Variants in OR2A14 observed in about 807,000 individuals in gnomAD.
OR2A14 encodes the protein olfactory receptor family 2 subfamily A member 14, also known as olfactory receptor 2A14.
Under a neutral mutation model 2.4 loss-of-function variants are expected in OR2A14, and 2 were observed. The observed-to-expected ratio is 0.85, with a 90% CI of 0.35 to 2.67. The LOEUF is 2.67. OR2A14 is among the 30% of genes most tolerant of loss of function. The pLI, the probability that OR2A14 is intolerant of heterozygous loss-of-function variation, is 0.10. For missense variants in OR2A14, 390 were observed against 379.4 expected, an observed-to-expected ratio of 1.03 and a Z score of -0.23; for synonymous variants, 160 against 156.3, an observed-to-expected ratio of 1.02 and a Z score of -0.18.
In OR2A14 at chr7:144,129,546, T is replaced by C; in HGVS notation, c.434T>C (p.Val145Ala). The change falls in exon 2 of 2, where the codon GTG becomes GCG. Residue 145 changes from valine (V) to alanine (A), a missense_variant. Coordinates refer to ENST00000641068, the MANE Select transcript of OR2A14 (RefSeq NM_001001659.3). ...MSWRVCTVLA[V>A]ASWVFSFLLA... is the part of the protein sequence containing the mutation. Reference sequence around the variant, plus strand: ...TGGAGAGTGTGCACTGTCCTGGCTGTGGCTTCCTGGGTGTTCAGCTTCCTC... The same window carrying C: ...TGGAGAGTGTGCACTGTCCTGGCTGCGGCTTCCTGGGTGTTCAGCTTCCTC... The C allele has an allele frequency of 1.2e-6, 2 of 1,614,148 alleles. No individual in the cohort carries two copies. The highest frequency in any genetic ancestry group is 2.7e-5 in the African/African-American group (2 of 75,066).
chr7:144,125,573 T>C (rs1312388154), intron 1 of OR2A14, among the ~76,000 whole-genome samples: 2 of 152,240 alleles, frequency 1.3e-5, no homozygotes, highest in Admixed American at 6.5e-5. Context: ...AGATGGACAA[T>C]TTTTGTGTGT....
chr7:144,123,443 C>T (rs1481346281), intron 1 of OR2A14, among the ~76,000 whole-genome samples, 179 bp downstream of exon 1: 2 of 152,142 alleles, frequency 1.3e-5, no homozygotes, highest in East Asian at 1.9e-4. Flanking sequence ...TAGGGGCCAC[C>T]GTCTATCCCA....
intron 1 of OR2A14, among the ~76,000 whole-genome samples, chr7:144,124,290 C>T (rs2051466287): frequency 6.6e-6 from 1 of 151,990 alleles, no homozygotes; most frequent in African/African-American, 2.4e-5. Context: ...CGGAGAAACC[C>T]CATCTCTAAT....
In OR2A14 at chr7:144,129,378, G is replaced by A; in HGVS notation, c.266G>A (p.Ser89Asn). 1 of 1,614,194 alleles carries A rather than the reference G, an allele frequency of 6.2e-7. No individual in the cohort carries two copies. Among genetic ancestry groups the A allele is most frequent in the Non-Finnish European group, 8.5e-7 (1 of 1,180,024 alleles). The change falls in exon 2 of 2, where the codon AGC (serine) becomes AAC (asparagine). Residue 89 changes from serine to asparagine, a missense_variant. Physicochemically the swap from Ser to Asn is conservative, Grantham distance 46. Transcript: ENST00000641068. The stretch of plus-strand genomic sequence containing the variant: ...CTGACGAATCTTATGAACCAGGAAA[G>A]CACCATCTCCTTTTTTCCATGCATA... ...KMLTNLMNQE[S>N]TISFFPCIMQ...
chr7:144,124,175 G>A (rs951788130), intron 1 of OR2A14, among the ~76,000 whole-genome samples: 2 of 152,118 alleles, frequency 1.3e-5, no homozygotes, highest in African/African-American at 4.8e-5. Context: ...TTTAACACTA[G>A]GCTGCGGCCG....
chr7:144,124,180 C>T (rs985023196), intron 1 of OR2A14, among the ~76,000 whole-genome samples: 8 of 152,052 alleles, frequency 5.3e-5, no homozygotes, highest in Non-Finnish European at 8.8e-5. Context: ...CACTAGGCTG[C>T]GGCCGGGTGC....
chr7:144,124,073 G>A (rs960378415), intron 1 of OR2A14, among the ~76,000 whole-genome samples: 1 of 152,182 alleles, frequency 6.6e-6, no homozygotes, highest in African/African-American at 2.4e-5. Context: ...GAGGCATGAA[G>A]AGGCACAGAG....
At position 144,129,822 on chromosome 7, in the gene OR2A14, T is replaced by C. The variant is rs1489065653; in HGVS notation, c.710T>C (p.Phe237Ser). 1 of 1,614,016 alleles carries C rather than the reference T, an allele frequency of 6.2e-7. No homozygotes were observed. Among genetic ancestry groups the C allele is most frequent in the Non-Finnish European group, 8.5e-7 (1 of 1,180,038 alleles). ...IQSGEGRRKA[F>S]STCSSHLCVV... ...TCTGGGGAGGGCCGCAGAAAGGCCT[T>C]CTCCACCTGCTCCTCCCACCTTTGC... The change falls in exon 2 of 2, where the codon TTC becomes TCC. Residue 237 changes from phenylalanine to serine, a missense_variant. Phe to Ser is a radical substitution (Grantham distance 155). Transcript: ENST00000641068.
rs1313167599 is a variant in OR2A14 at position 144,130,167 on chromosome 7, A to T, written c.*122A>T. ...TTAAACTGGAATACTATAGACCTATACATATAAACTGAAGACACAAATCTT... is the reference window on the plus strand; with the variant it reads ...TTAAACTGGAATACTATAGACCTATTCATATAAACTGAAGACACAAATCTT... On this transcript the variant is annotated 3_prime_UTR_variant, in exon 2 of 2. Transcript: ENST00000641068. 1.4e-6 allele frequency: 1 copy of T among 703,050 alleles called. No individual in the cohort carries two copies. The highest frequency in any genetic ancestry group is 1.8e-5 in the African/African-American group (1 of 56,514). The allele number at this position is 703,050 out of a possible 1,614,324, so 43.6% of individuals were successfully genotyped here.
In OR2A14 at chr7:144,129,953, A is replaced by C. The variant is rs756292650; in HGVS notation, c.841A>C (p.Asn281His). 8.7e-6 allele frequency: 14 copies of C among 1,614,108 alleles called. No homozygotes were observed. In the South Asian group the frequency reaches 1.5e-4, roughly 18 times the overall value. ...KVLSLFYSLF[N>H]PMLNPLIYSL... ...TCTTTCCCTGTTTTACAGCCTTTTC[A>C]ATCCAATGCTGAACCCCCTGATATA... Residue 281 changes from asparagine (N) to histidine (H), a missense_variant, in exon 2 of 2, where the codon AAT (asparagine) becomes CAT (histidine). Asn to His is a moderately conservative substitution (Grantham distance 68). Coordinates refer to ENST00000641068, the MANE Select transcript of OR2A14 (RefSeq NM_001001659.3).
chr7:144,128,627 G>C (rs2051500400), intron 1 of OR2A14, among the ~76,000 whole-genome samples: 2 of 152,184 alleles, frequency 1.3e-5, no homozygotes, highest in South Asian at 4.1e-4. Flanking sequence ...CAAGCCCATG[G>C]CAAACAGAGG....
chr7:144,129,059 C>T lies in OR2A14; in HGVS notation c.-34-20C>T. The T allele has an allele frequency of 1.5e-6, 2 of 1,367,598 alleles. No homozygotes were observed. Among genetic ancestry groups the T allele is most frequent in the Non-Finnish European group, 2.0e-6 (2 of 986,032 alleles). 84.7% of individuals were successfully genotyped at this position (1,367,598 alleles called of 1,614,324 possible). A position where few individuals can be genotyped will look rare whatever the true frequency, so the allele number is the denominator to read the frequency against. ...ATAATTTCTAAGTGCTCCCTCTGTGCATCTTTGACTGGCCCACAGCTCTGA... is the reference window on the plus strand; with the variant it reads ...ATAATTTCTAAGTGCTCCCTCTGTGTATCTTTGACTGGCCCACAGCTCTGA... On this transcript the variant is annotated intron_variant, in intron 1 of 1. Coordinates refer to ENST00000641068, the MANE Select transcript of OR2A14 (RefSeq NM_001001659.3).
At position 144,129,436 on chromosome 7, in the gene OR2A14, C is replaced by G. The variant is rs559068119; in HGVS notation, c.324C>G (p.His108Gln). The change falls in exon 2 of 2, where the codon CAC becomes CAG. Residue 108 changes from histidine to glutamine, a missense_variant. Physicochemically the swap from His to Gln is conservative, Grantham distance 24 (BLOSUM62 0). Coordinates refer to ENST00000641068, the MANE Select transcript of OR2A14 (RefSeq NM_001001659.3). ...CATTCTTGTATTTGGCTTTTGCTCA[C>G]GTAGAGTGTCTGATTTTGGTGGTGA... is the stretch of plus-strand genomic sequence containing the variant. ...MQTFLYLAFA[H>Q]VECLILVVMS... The G allele has an allele frequency of 7.4e-6, 12 of 1,613,966 alleles. No homozygotes were observed. The Admixed American group carries it at 8.3e-5, about 11-fold the overall frequency.
At chr7:144,127,922 G>C (rs1349711559) in intron 1 of OR2A14, among the ~76,000 whole-genome samples, 1 of 152,166 alleles carries the variant, frequency 6.6e-6, no homozygotes, top group Non-Finnish European at 1.5e-5. Flanking sequence ...CCTGCTGGCT[G>C]GATAGACCCA....
At position 144,129,263 on chromosome 7, in the gene OR2A14, G is replaced by T. The variant is rs893678630; in HGVS notation, c.151G>T (p.Asp51Tyr). ...GGTCATCTTTGGGATTATCTGCCTG[G>T]ACTGTAAGCTTCACACACCCATGTA... ...NGVIFGIICL[D>Y]CKLHTPMYFF... Residue 51 changes from aspartate (D) to tyrosine (Y), a missense_variant, in exon 2 of 2, where the codon GAC becomes TAC. Physicochemically the swap from Asp to Tyr is radical, Grantham distance 160 (BLOSUM62 -3). Coordinates refer to ENST00000641068, the MANE Select transcript of OR2A14 (RefSeq NM_001001659.3). The T allele has an allele frequency of 3.7e-6, 6 of 1,613,984 alleles. No individual in the cohort carries two copies. Among genetic ancestry groups the T allele is most frequent in the African/African-American group, 2.7e-5 (2 of 74,874 alleles).
At position 144,129,674 on chromosome 7, in the gene OR2A14, T is replaced by C. The variant is rs780164452; in HGVS notation, c.562T>C (p.Cys188Arg). The C allele has an allele frequency of 1.3e-5, 21 of 1,614,150 alleles. No individual in the cohort carries two copies. Among genetic ancestry groups the C allele is most frequent in the Non-Finnish European group, 1.0e-5 (12 of 1,180,010 alleles). ...CEILSVLKLA[C>R]ADTWLNQVVI... The stretch of plus-strand genomic sequence containing the variant: ...AATCCTGTCTGTCCTCAAGTTGGCC[T>C]GTGCTGACACCTGGCTCAACCAGGT... Residue 188 changes from cysteine to arginine, a missense_variant, in exon 2 of 2, where the codon TGT becomes CGT. By Grantham distance (180) the Cys-to-Arg change is radical. Coordinates refer to ENST00000641068, the MANE Select transcript of OR2A14 (RefSeq NM_001001659.3).
In OR2A14 at chr7:144,130,327, A is replaced by C. The variant is rs2051522843; in HGVS notation, c.*282A>C. On this transcript the variant is annotated 3_prime_UTR_variant, in exon 2 of 2. Transcript: ENST00000641068. ...CTTCACATTAATCATTGTGCTCATCAAAGTCACCATTAAGAAAGAAGAAAT... is the reference window on the plus strand; with the variant it reads ...CTTCACATTAATCATTGTGCTCATCCAAGTCACCATTAAGAAAGAAGAAAT... 4.3e-6 allele frequency: 1 copy of C among 235,230 alleles called. No homozygotes were observed. The highest frequency in any genetic ancestry group is 2.3e-5 in the African/African-American group (1 of 44,230). The allele number at this position is 235,230 out of a possible 1,614,324, so 14.6% of individuals were successfully genotyped here. A position where few individuals can be genotyped will look rare whatever the true frequency, so the allele number is the denominator to read the frequency against.
At chr7:144,125,912 G>A (rs1483170992) in intron 1 of OR2A14, among the ~76,000 whole-genome samples, 2 of 151,940 alleles carry the variant, frequency 1.3e-5, no homozygotes, top group African/African-American at 4.8e-5. Context: ...TACTCCTAAA[G>A]CATCCAAATG....
chr7:144,129,299 TCA>T lies in OR2A14; in HGVS notation c.191_192del (p.His64ProfsTer5). 1.2e-6 allele frequency: 2 copies of T among 1,614,228 alleles called. No homozygotes were observed. The highest frequency in any genetic ancestry group is 1.7e-6 in the Non-Finnish European group (2 of 1,180,038). On this transcript the variant is annotated frameshift_variant, in exon 2 of 2. Transcript: ENST00000641068. LOFTEE classifies it low-confidence loss of function (END_TRUNC). ...KLHTPMYFFL[S>X]HLAIVDISYA... ...TCACACACCCATGTACTTCTTCCTC[TCA>T]CACCTGGCCATTGTTGACATATCCT... is the stretch of plus-strand genomic sequence containing the variant.
Sources: gnomAD v4.1 joint callset for allele counts (sites outside exome capture counted in the v4.1 genomes callset) on GRCh38, gnomAD v4.1.1 for gene constraint, MANE v1.5 for transcripts, NCBI Gene and HGNC (gene_info 2026-07-23, HGNC 2026-07-21) for gene names.